Variants in CCKBR observed in about 807,000 individuals in gnomAD.
CCKBR encodes gastrin/cholecystokinin type B receptor.
In CCKBR, 33 loss-of-function variants were observed where a neutral mutation model predicts 34.6. The ratio of observed to expected loss-of-function variants is 0.95; its 90% CI spans 0.72 to 1.27. The LOEUF (loss-of-function observed/expected upper bound fraction) is 1.27, where lower values mean the gene tolerates loss of function less well. CCKBR is among the 50% of genes most tolerant of loss of function. The pLI is 0.00. For synonymous variants in CCKBR, 269 were observed against 267.5 expected (o/e 1.01, Z -0.06); for missense variants, 652 against 617.4 (o/e 1.06, Z -0.59).
intron 1 of CCKBR, among the ~76,000 whole-genome samples, chr11:6,263,553 T>C (rs1848167379): frequency 6.6e-6 from 1 of 151,226 alleles, no homozygotes; most frequent in Admixed American, 6.6e-5. Flanking sequence ...CATTGCAGTC[T>C]TGACCTCCGC....
Position 6,270,546 on chromosome 11 carries a change from G to A in CCKBR, c.654-100G>A, listed in dbSNP as rs528978861. On this transcript the variant is annotated intron_variant, in intron 3 of 4. Transcript: ENST00000334619. ...CCCCCAAATCCTACTCCTACTTCAG[G>A]TACCTGGCCACAGCCCTAGAAACAC... is the stretch of plus-strand genomic sequence containing the variant. 3.3e-5 allele frequency: 47 copies of A among 1,433,684 alleles called. No homozygotes were observed. The African/African-American group carries it at 6.5e-4, about 20-fold the overall frequency. 88.8% of individuals were successfully genotyped at this position (1,433,684 alleles called of 1,614,324 possible).
intron 1 of CCKBR, among the ~76,000 whole-genome samples, chr11:6,262,684 G>GAA (rs1491388260): frequency 3.1e-5 from 3 of 95,264 alleles, no homozygotes; most frequent in African/African-American, 8.1e-5. Flanking sequence ...GGTAGGCAAA[G>GAA]AAAGAGAGAG....
At chr11:6,264,537 C>T (rs758088843) in intron 1 of CCKBR, 32 of 700,314 alleles carry the variant, frequency 4.6e-5, no homozygotes, top group African/African-American at 3.3e-4. Flanking sequence ...TCTTCTGAGT[C>T]GCCTGGTCTG....
At chr11:6,260,599 A>T (rs551002232) in intron 1 of CCKBR, among the ~76,000 whole-genome samples, 1 of 152,276 alleles carries the variant, frequency 6.6e-6, no homozygotes, top group South Asian at 2.1e-4. Context: ...CCCAAAAAAG[A>T]TCCTCAAATC....
chr11:6,270,428 G>A, intron 3 of CCKBR, 91 bp downstream of exon 3: 4 of 1,513,242 alleles, frequency 2.6e-6, no homozygotes, highest in Admixed American at 1.8e-5. Flanking sequence ...CCAGCTTCCC[G>A]GAGAATTACC....
rs1848315331 is a variant in CCKBR, at chr11:6,271,483, C to G, written c.1284C>G (p.Pro428=). The change falls in exon 5 of 5, where the codon CCC becomes CCG. Residue 428 remains proline, a synonymous_variant. Transcript: ENST00000334619. ...RALPDEDPPT[P]SIASLSRLSY... ...TTCCCGATGAGGACCCTCCCACTCCCTCCATTGCTTCGCTGTCCAGGCTTA... is the reference window on the plus strand; with the variant it reads ...TTCCCGATGAGGACCCTCCCACTCCGTCCATTGCTTCGCTGTCCAGGCTTA... The G allele has an allele frequency of 1.2e-6, 2 of 1,612,194 alleles. No individual in the cohort carries two copies. Among genetic ancestry groups the G allele is most frequent in the Non-Finnish European group, 1.7e-6 (2 of 1,179,662 alleles).
In CCKBR at chr11:6,270,673, C is replaced by G; in HGVS notation, c.681C>G (p.Phe227Leu). ...TWSVLLLLLL[F>L]FIPGVVMAVA... ...CCGTACTGCTGCTTCTGCTCTTGTT[C>G]TTCATCCCGGGTGTGGTTATGGCCG... Residue 227 changes from phenylalanine to leucine, a missense_variant, in exon 4 of 5, where the codon TTC (phenylalanine) becomes TTG (leucine). Physicochemically the swap from Phe to Leu is conservative, Grantham distance 22. Transcript: ENST00000334619. 6.2e-7 allele frequency: 1 copy of G among 1,610,922 alleles called. No homozygotes were observed. Among genetic ancestry groups the G allele is most frequent in the Non-Finnish European group, 8.5e-7 (1 of 1,177,364 alleles).
In CCKBR at chr11:6,270,186, C is replaced by T. The variant is rs200448039; in HGVS notation, c.502C>T (p.Arg168Cys). 80 of 1,613,578 alleles carry T rather than the reference C, an allele frequency of 5.0e-5. No individual in the cohort carries two copies. The highest frequency in any genetic ancestry group is 6.6e-5 in the Non-Finnish European group (78 of 1,180,020). The change falls in exon 3 of 5, where the codon CGC becomes TGC. Residue 168 changes from arginine (R) to cysteine (C), a missense_variant. Transcript: ENST00000334619. Reference sequence around the variant, plus strand: ...ACTGCAGGCACGAGTGTGGCAGACGCGCTCCCACGCGGCTCGCGTGATTGT... The same window carrying T: ...ACTGCAGGCACGAGTGTGGCAGACGTGCTCCCACGCGGCTCGCGTGATTGT... Reference protein sequence around the residue: ...RPLQARVWQTRSHAARVIVAT... With the variant: ...RPLQARVWQTCSHAARVIVAT...
chr11:6,271,024 G>A lies in CCKBR; in HGVS notation c.825G>A (p.Gln275=), dbSNP rs1196663878. 6.2e-7 allele frequency: 1 copy of A among 1,614,218 alleles called. No individual in the cohort carries two copies. The highest frequency in any genetic ancestry group is 1.7e-5 in the Admixed American group (1 of 60,032). The change falls in exon 5 of 5, where the codon CAG becomes CAA. Residue 275 remains glutamine (Q), a synonymous_variant. Transcript: ENST00000334619. ...CTTTGTGCTCAGGGGCTGTTCACCA[G>A]AACGGGCGTTGCCGGCCTGAGACTG... ...NQGGLPGAVH[Q]NGRCRPETGA...
At chr11:6,260,348 C>T (rs909147964) in intron 1 of CCKBR, among the ~76,000 whole-genome samples, 4 of 152,150 alleles carry the variant, frequency 2.6e-5, no homozygotes, top group African/African-American at 9.7e-5. Flanking sequence ...AAGCACAGCC[C>T]CTTCCCCAAC....
At position 6,270,764 on chromosome 11, in the gene CCKBR, G is replaced by C; in HGVS notation, c.772G>C (p.Asp258His). Residue 258 changes from aspartate (D) to histidine (H), a missense_variant, in exon 4 of 5, where the codon GAC (aspartate) becomes CAC (histidine). Asp to His is a moderately conservative substitution (Grantham distance 81, BLOSUM62 -1). Transcript: ENST00000334619. ...TCGCTTTGACGGCGACAGTGACAGCGACAGCCAAAGCAGGGTCCGAAACCA... is the reference window on the plus strand; with the variant it reads ...TCGCTTTGACGGCGACAGTGACAGCCACAGCCAAAGCAGGGTCCGAAACCA... ...GLRFDGDSDS[D>H]SQSRVRNQGG... 6.2e-7 allele frequency: 1 copy of C among 1,614,200 alleles called. No individual in the cohort carries two copies.
intron 1 of CCKBR, among the ~76,000 whole-genome samples, chr11:6,261,331 C>T (rs1848125488): frequency 6.6e-6 from 1 of 150,506 alleles, no homozygotes; most frequent in African/African-American, 2.5e-5. Flanking sequence ...AGTGGAACAC[C>T]TCTAGCCCAG....
At position 6,269,685 on chromosome 11, in the gene CCKBR, T is replaced by C. The variant is rs200703513; in HGVS notation, c.168T>C (p.Ile56=). The change falls in exon 2 of 5, where the codon ATT becomes ATC. Residue 56 remains isoleucine (I), a synonymous_variant. Coordinates refer to ENST00000334619, the MANE Select transcript of CCKBR (RefSeq NM_176875.4). The stretch of plus-strand genomic sequence containing the variant: ...CTTACCCAGAATTGGAGCTGGCCAT[T>C]AGAATCACTCTTTACGCAGTGATCT... ...GAGTRELELA[I]RITLYAVIFL... 1.2e-6 allele frequency: 2 copies of C among 1,613,804 alleles called. No homozygotes were observed. Among genetic ancestry groups the C allele is most frequent in the Non-Finnish European group, 8.5e-7 (1 of 1,179,990 alleles).
chr11:6,268,054 G>A (rs1262605429), intron 1 of CCKBR, among the ~76,000 whole-genome samples: 1 of 152,124 alleles, frequency 6.6e-6, no homozygotes, highest in Non-Finnish European at 1.5e-5. Context: ...ATGTTGCTCA[G>A]GCTGATCTCA....
intron 1 of CCKBR, among the ~76,000 whole-genome samples, chr11:6,261,454 A>AAAAAAATATATATATATAT (rs1447691939): frequency 3.3e-5 from 2 of 60,894 alleles, no homozygotes; most frequent in African/African-American, 6.3e-5. Context: ...AAAAAAAAAA[A>AAAAAAATATATATATATAT]ATATATATAC....
chr11:6,269,057 T>A (rs75760723), intron 1 of CCKBR, among the ~76,000 whole-genome samples: 1,873 of 147,632 alleles, frequency 0.013, 12 homozygotes, highest in Middle Eastern at 0.025. Flanking sequence ...AAATGCCTGC[T>A]GTACAGGGAG....
intron 1 of CCKBR, among the ~76,000 whole-genome samples, chr11:6,266,631 T>TC (rs1250046915): frequency 6.6e-6 from 1 of 152,216 alleles, no homozygotes; most frequent in African/African-American, 2.4e-5. Context: ...CAGCCCCTTA[T>TC]CAGGTGTGTG....
chr11:6,264,450 T>G (rs546692357), intron 1 of CCKBR: 2 of 638,888 alleles, frequency 3.1e-6, no homozygotes, highest in Non-Finnish European at 5.6e-6. Flanking sequence ...ATTTTTGCAC[T>G]CATACTTCTC....
rs764173521 is a variant in CCKBR at position 6,261,462 on chromosome 11, T to TATATATATACACACACAC, written c.151+1384_151+1385insTATATATACACACACACA. Among the ~76,000 whole-genome samples, 146 of 63,968 alleles carry TATATATATACACACACAC rather than the reference T, an allele frequency of 2.3e-3. 1 individual carries two copies. The highest frequency in any genetic ancestry group is 9.0e-3 in the East Asian group (14 of 1,560). 42.0% of individuals were successfully genotyped at this position (63,968 alleles called of 152,430 possible). On this transcript the variant is annotated intron_variant, in intron 1 of 4. Transcript: ENST00000334619. ...AAAAAAAAAAAAAAAAAAATATATA[T>TATATATATACACACACAC]ACACACACACACACACACACACACA...
Sources: gnomAD v4.1 joint callset for allele counts (sites outside exome capture counted in the v4.1 genomes callset) on GRCh38, gnomAD v4.1.1 for gene constraint, MANE v1.5 for transcripts, NCBI Gene and HGNC (gene_info 2026-07-23, HGNC 2026-07-21) for gene names.